DENND1C: variants seen among roughly 807,000 people sequenced by gnomAD.
DENND1C encodes the protein DENN domain-containing protein 1C.
DENND1C carries 64 observed loss-of-function variants against 87.9 expected under a neutral mutation model. The ratio of observed to expected loss-of-function variants is 0.73; its 90% CI spans 0.60 to 0.90. The LOEUF (loss-of-function observed/expected upper bound fraction) is 0.90. Ranked by LOEUF, DENND1C falls within the 40% of genes least tolerant of loss-of-function variation. The pLI, the probability that DENND1C is intolerant of heterozygous loss-of-function variation, is 0.00. For missense variants in DENND1C, 980 were observed against 1,037.0 expected (o/e 0.95, Z 0.76); for synonymous variants, 384 against 424.4 (o/e 0.90, Z 1.17).
At position 6,468,587 on chromosome 19, in the gene DENND1C, G is replaced by A. The variant is rs552385622; in HGVS notation, c.1574C>T (p.Pro525Leu). The A allele has an allele frequency of 2.7e-5, 41 of 1,533,498 alleles. No individual in the cohort carries two copies. The East Asian group carries it at 8.1e-4, about 30-fold the overall frequency. 95.0% of individuals were successfully genotyped at this position (1,533,498 alleles called of 1,614,324 possible). The change falls in exon 21 of 23, where the codon CCA (proline) becomes CTA (leucine). Residue 525 changes from proline (P) to leucine (L), a missense_variant. By Grantham distance (98) the Pro-to-Leu change is moderately conservative. Transcript: ENST00000381480. ...TCCCTTTTTGCCTTACCCCGCCCCT[G>A]GGGGCTCGGAAGTTCCCTCTTCCAG... ...RQLEEGTSEPPGAGTPPLSPE... is the reference protein window; with the variant it reads ...RQLEEGTSEPLGAGTPPLSPE...
intron 1 of DENND1C, chr19:6,480,507 T>TATCC (rs755927403): frequency 1.2e-4 from 115 of 980,692 alleles, no homozygotes; most frequent in East Asian, 4.6e-4. Context: ...TGTCTCTGTC[T>TATCC]ATCCATCCAT....
intron 6 of DENND1C, 102 bp from the exon 7 acceptor site, chr19:6,477,560 C>A: frequency 1.1e-6 from 1 of 872,520 alleles, no homozygotes; most frequent in Non-Finnish European, 1.8e-6. Flanking sequence ...GAGCCAAGGG[C>A]TCAGGTCAGT....
intron 17 of DENND1C, among the ~76,000 whole-genome samples, chr19:6,470,988 T>G (rs555675673): frequency 1.3e-5 from 2 of 151,998 alleles, no homozygotes; most frequent in South Asian, 4.1e-4. Context: ...AGGGTCTTGC[T>G]CTGTCACCCA....
At position 6,477,372 on chromosome 19, in the gene DENND1C, A is replaced by C. The variant is rs1367949361; in HGVS notation, c.447+6T>G. On this transcript the variant is annotated splice_donor_region_variant and intron_variant, in intron 7 of 22. Transcript: ENST00000381480. ...GTCCAGCGCCCAGGGAATGGGAGCT[A>C]CTCACCAGCTCAAGCCCCACTGAGG... The C allele has an allele frequency of 6.2e-7, 1 of 1,613,064 alleles. No individual in the cohort carries two copies. Among genetic ancestry groups the C allele is most frequent in the Non-Finnish European group, 8.5e-7 (1 of 1,179,608 alleles).
chr19:6,469,712 C>T, intron 18 of DENND1C, 72 bp from the exon 19 acceptor site: 5 of 1,522,394 alleles, frequency 3.3e-6, no homozygotes, highest in Non-Finnish European at 4.5e-6. Context: ...AGCCTTCTGT[C>T]CCCTAAGATA....
intron 18 of DENND1C, 35 bp downstream of exon 18, chr19:6,470,260 C>A: frequency 6.3e-7 from 1 of 1,587,912 alleles, no homozygotes; most frequent in Non-Finnish European, 8.6e-7. Flanking sequence ...CCCCTCGTCA[C>A]CCCAGCAAGA....
chr19:6,473,020 T>A (rs770279066), intron 14 of DENND1C, 27 bp from the exon 15 acceptor site: 2 of 1,449,298 alleles, frequency 1.4e-6, no homozygotes, highest in Admixed American at 2.7e-5. Context: ...AGTTCTGAGC[T>A]CCCTGGGGTG....
Position 6,476,761 on chromosome 19 carries a change from G to T in DENND1C, c.678+96C>A, listed in dbSNP as rs900826449. The stretch of plus-strand genomic sequence containing the variant: ...CCAGGACTTCGCCCTCGGGTCTCGC[G>T]CAGTAGGGTTAGAGCCAGGAATCAG... On this transcript the variant is annotated intron_variant, in intron 10 of 22. Transcript: ENST00000381480. 19 of 1,259,894 alleles carry T rather than the reference G, an allele frequency of 1.5e-5. No homozygotes were observed. The Admixed American group carries it at 4.4e-4, about 29-fold the overall frequency. The allele number at this position is 1,259,894 out of a possible 1,614,324, so 78.0% of individuals were successfully genotyped here.
intron 9 of DENND1C, 25 bp from the exon 10 acceptor site, chr19:6,476,992 G>A: frequency 1.2e-6 from 2 of 1,613,606 alleles, no homozygotes; most frequent in African/African-American, 2.7e-5. Context: ...GTCGCTCTGG[G>A]CGTGGACGGG....
At chr19:6,469,662 A>C in intron 18 of DENND1C, 22 bp from the exon 19 acceptor site, 1 of 1,597,756 alleles carries the variant, frequency 6.3e-7, no homozygotes, top group Non-Finnish European at 8.5e-7. Flanking sequence ...TGGACAGAGA[A>C]TTACCCAAGG....
Position 6,468,371 on chromosome 19 carries a change from C to G in DENND1C, c.1654G>C (p.Gly552Arg), listed in dbSNP as rs749216669. Residue 552 changes from glycine to arginine, a missense_variant, in exon 22 of 23, where the codon GGG (glycine) becomes CGG (arginine). By Grantham distance (125) the Gly-to-Arg change is moderately radical. Transcript: ENST00000381480. ...AEEALDSSFL[G>R]SGEELDLLSE... ...AACAAATCCAGTTCTTCTCCAGACCCCAAGAAGCTGCTGTCCAGAGCTTCT... is the reference window on the plus strand; with the variant it reads ...AACAAATCCAGTTCTTCTCCAGACCGCAAGAAGCTGCTGTCCAGAGCTTCT... The G allele has an allele frequency of 1.2e-6, 2 of 1,613,782 alleles. No individual in the cohort carries two copies. The highest frequency in any genetic ancestry group is 1.3e-5 in the African/African-American group (1 of 74,902).
chr19:6,480,119 C>T (rs976593175), intron 1 of DENND1C, 68 bp from the exon 2 acceptor site: 38 of 1,555,280 alleles, frequency 2.4e-5, no homozygotes, highest in Non-Finnish European at 3.0e-5. Context: ...CCACTTTGCA[C>T]ACAAGTGTGG....
intron 7 of DENND1C, 36 bp downstream of exon 7, chr19:6,477,342 C>T: frequency 1.2e-6 from 2 of 1,612,248 alleles, no homozygotes; most frequent in East Asian, 2.2e-5. Context: ...TCCCATCCAC[C>T]TAAGGTCCAG....
At chr19:6,470,255 C>A in intron 18 of DENND1C, 40 bp downstream of exon 18, 1 of 1,579,196 alleles carries the variant, frequency 6.3e-7, no homozygotes, top group Non-Finnish European at 8.6e-7. Context: ...CCCTCCCCCT[C>A]GTCACCCCAG....
In DENND1C at chr19:6,472,994, C is replaced by T; in HGVS notation, c.1054-1G>A. 1 of 1,532,042 alleles carries T rather than the reference C, an allele frequency of 6.5e-7. No individual in the cohort carries two copies. Among genetic ancestry groups the T allele is most frequent in the African/African-American group, 1.4e-5 (1 of 72,134 alleles). 94.9% of individuals were successfully genotyped at this position (1,532,042 alleles called of 1,614,324 possible). ...CCTCACTGAAGGTCACTGGCTGGCC[C>T]TGGAAGAAGCGTTGGAGTTCTGAGC... On this transcript the variant is annotated splice_acceptor_variant, in intron 14 of 22. Coordinates refer to ENST00000381480, the MANE Select transcript of DENND1C (RefSeq NM_024898.4). LOFTEE classifies it high-confidence loss of function.
At chr19:6,470,464 A>G (rs2145179668) in intron 17 of DENND1C, 98 bp from the exon 18 acceptor site, 2 of 1,242,304 alleles carry the variant, frequency 1.6e-6, no homozygotes, top group Admixed American at 4.0e-5. Flanking sequence ...TCCCTCTCTG[A>G]GTCTCCATTT....
At chr19:6,476,710 T>G (rs1370404464) in intron 10 of DENND1C, 147 bp downstream of exon 10, 2 of 796,426 alleles carry the variant, frequency 2.5e-6, no homozygotes, top group Non-Finnish European at 3.8e-6. Flanking sequence ...AGAGTTCAAC[T>G]CTCCAAGACC....
At chr19:6,481,405 CA>C (rs1301403137) in intron 1 of DENND1C, among the ~76,000 whole-genome samples, 4 of 151,934 alleles carry the variant, frequency 2.6e-5, no homozygotes, top group African/African-American at 7.3e-5. Context: ...ATACCAAGGA[CA>C]AAGCTCAGAG....
intron 1 of DENND1C, among the ~76,000 whole-genome samples, chr19:6,480,862 C>T (rs1453830496): frequency 6.6e-6 from 1 of 152,004 alleles, no homozygotes; most frequent in African/African-American, 2.4e-5. Flanking sequence ...CCTCAGCCTC[C>T]CAAATTGCTG....
Sources: gnomAD v4.1 joint callset for allele counts (sites outside exome capture counted in the v4.1 genomes callset) on GRCh38, gnomAD v4.1.1 for gene constraint, MANE v1.5 for transcripts, NCBI Gene and HGNC (gene_info 2026-07-23, HGNC 2026-07-21) for gene names.